ORC3: variants seen among roughly 807,000 people sequenced by gnomAD.
ORC3 encodes the protein origin recognition complex subunit 3.
A neutral mutation model predicts 100.7 loss-of-function variants in ORC3; 78 were observed. The ratio of observed to expected loss-of-function variants is 0.77; its 90% CI spans 0.65 to 0.94. ORC3 has a LOEUF of 0.94. Ranked by LOEUF, ORC3 falls within the 40% of genes least tolerant of loss-of-function variation. The pLI is 0.00. For missense variants in ORC3, 789 were observed against 823.9 expected (o/e 0.96, Z 0.52); for synonymous variants, 295 against 289.3 (o/e 1.02, Z -0.20).
chr6:87,625,732 A>G (rs957103043), intron 11 of ORC3, among the ~76,000 whole-genome samples: 5 of 152,116 alleles, frequency 3.3e-5, no homozygotes, highest in Non-Finnish European at 5.9e-5. Context: ...TTTTGTTGAC[A>G]TTGCTTTTGG....
At chr6:87,660,899 G>A (rs551135363) in intron 16 of ORC3, among the ~76,000 whole-genome samples, 2 of 152,314 alleles carry the variant, frequency 1.3e-5, no homozygotes, top group South Asian at 4.1e-4. Flanking sequence ...AAATTCTAAT[G>A]TATAATGTAT....
chr6:87,664,069 A>G (rs7771252), intron 17 of ORC3, among the ~76,000 whole-genome samples: 4,390 of 152,240 alleles, frequency 0.029, 214 homozygotes, highest in African/African-American at 0.1. Context: ...TAAACCATAA[A>G]TTAAAACTTA....
chr6:87,626,063 G>C (rs569936168), intron 11 of ORC3, among the ~76,000 whole-genome samples: 1 of 152,316 alleles, frequency 6.6e-6, no homozygotes, highest in South Asian at 2.1e-4. Context: ...TTTGGTACCA[G>C]TACCATGCTG....
At chr6:87,627,662 A>G (rs1337648983) in intron 11 of ORC3, among the ~76,000 whole-genome samples, 5 of 152,100 alleles carry the variant, frequency 3.3e-5, no homozygotes, top group Non-Finnish European at 7.4e-5. Flanking sequence ...TATACAATCT[A>G]TATGTAATAT....
intron 11 of ORC3, among the ~76,000 whole-genome samples, chr6:87,631,152 G>T (rs1047336533): frequency 6.6e-5 from 10 of 151,004 alleles, no homozygotes; most frequent in African/African-American, 9.8e-5. Context: ...GCCTCCCAAA[G>T]TGCTGGGATT....
chr6:87,591,944 G>A (rs1331603933), intron 1 of ORC3, among the ~76,000 whole-genome samples: 3 of 152,112 alleles, frequency 2.0e-5, no homozygotes, highest in South Asian at 2.1e-4. Context: ...TTGGCCAGGC[G>A]GGTCTCGAAC....
downstream of ORC3, among the ~76,000 whole-genome samples, chr6:87,671,585 G>A (rs74577827): frequency 1.0e-3 from 155 of 152,086 alleles, 1 homozygote; most frequent in East Asian, 0.023. Context: ...GGTCAAGCTC[G>A]GGGGCACACC....
rs188078407 is a variant in ORC3 at position 87,645,318 on chromosome 6, G to A, written c.1383-7798G>A. Among the ~76,000 whole-genome samples the A allele has an allele frequency of 1.7e-3, 263 of 152,236 alleles. 3 individuals carry two copies. The highest frequency in any genetic ancestry group is 5.6e-3 in the African/African-American group (234 of 41,534). ...TGGACAGTTAACCTCCATTTGTGGG[G>A]TTGGCAGCTTCTCTAGGAAGGGGCA... On this transcript the variant is annotated intron_variant, in intron 13 of 19. Transcript: ENST00000392844.
At chr6:87,629,229 A>T (rs1281843370) in intron 11 of ORC3, among the ~76,000 whole-genome samples, 1 of 152,200 alleles carries the variant, frequency 6.6e-6, no homozygotes, top group Non-Finnish European at 1.5e-5. Context: ...TAGACAGCTG[A>T]TATCTCTTAA....
In ORC3 at chr6:87,656,935, T is replaced by A; in HGVS notation, c.1546T>A (p.Ser516Thr). The A allele has an allele frequency of 6.2e-7, 1 of 1,613,290 alleles. No individual in the cohort carries two copies. Among genetic ancestry groups the A allele is most frequent in the Non-Finnish European group, 8.5e-7 (1 of 1,179,416 alleles). ...CAAAGAGGAAGAAGATGCTTCTGGGTCACAGCCAAAGGGGCTTCAGAAGAC... is the reference window on the plus strand; with the variant it reads ...CAAAGAGGAAGAAGATGCTTCTGGGACACAGCCAAAGGGGCTTCAGAAGAC... ...ETKEEEDASGSQPKGLQKTDL... is the reference protein window; with the variant it reads ...ETKEEEDASGTQPKGLQKTDL... Residue 516 changes from serine to threonine, a missense_variant, in exon 15 of 20, where the codon TCA becomes ACA. By Grantham distance (58) the Ser-to-Thr change is moderately conservative. Transcript: ENST00000392844.
At chr6:87,617,811 A>G (rs1779265702) in intron 9 of ORC3, among the ~76,000 whole-genome samples, 1 of 152,224 alleles carries the variant, frequency 6.6e-6, no homozygotes, top group Admixed American at 6.5e-5. Flanking sequence ...ATTCAATTTG[A>G]TAATACTTCA....
chr6:87,615,861 T>A (rs879894032), intron 8 of ORC3, among the ~76,000 whole-genome samples: 20 of 152,202 alleles, frequency 1.3e-4, no homozygotes, highest in Non-Finnish European at 2.6e-4. Context: ...TCTATACTTT[T>A]GAAATAGACA....
intron 8 of ORC3, among the ~76,000 whole-genome samples, chr6:87,613,133 A>C (rs1412458830): frequency 2.0e-5 from 3 of 152,242 alleles, no homozygotes; most frequent in African/African-American, 7.2e-5. Flanking sequence ...TGGGCAATTT[A>C]CAAAAGAAAG....
the ORC3 span, among the ~76,000 whole-genome samples, chr6:87,676,195 T>C: frequency 2.6e-5 from 4 of 152,056 alleles, no homozygotes; most frequent in East Asian, 3.9e-4. Flanking sequence ...CCGGGTGCGG[T>C]GGCTCACGCC....
chr6:87,630,760 T>G (rs1163503028), intron 11 of ORC3, among the ~76,000 whole-genome samples: 1 of 152,154 alleles, frequency 6.6e-6, no homozygotes, highest in East Asian at 1.9e-4. Context: ...GTCACAGAGC[T>G]TGCCACTCAA....
chr6:87,675,258 T>C, the ORC3 span: 1 of 315,630 alleles, frequency 3.2e-6, no homozygotes, highest in Non-Finnish European at 5.9e-6. Context: ...ATCTGAAGTG[T>C]CATTCTACAG....
Position 87,667,206 on chromosome 6 carries a change from C to G in ORC3, c.*83C>G, listed in dbSNP as rs2307380. ...GTCATATTTACATATATTAGAGGAGCCTGTTTTGTTGAGAAGATAAATGTG... is the reference window on the plus strand; with the variant it reads ...GTCATATTTACATATATTAGAGGAGGCTGTTTTGTTGAGAAGATAAATGTG... On this transcript the variant is annotated 3_prime_UTR_variant, in exon 20 of 20. Coordinates refer to ENST00000392844, the MANE Select transcript of ORC3 (RefSeq NM_012381.4). 9.8e-3 allele frequency: 7,659 copies of G among 780,600 alleles called. 415 individuals are homozygous for G. The African/African-American group carries it at 0.12, about 12-fold the overall frequency. 48.4% of individuals were successfully genotyped at this position (780,600 alleles called of 1,614,324 possible). A position where few individuals can be genotyped will look rare whatever the true frequency, so the allele number is the denominator to read the frequency against.
At position 87,656,944 on chromosome 6, in the gene ORC3, A is replaced by C. The variant is rs1289008126; in HGVS notation, c.1555A>C (p.Lys519Gln). 6.2e-7 allele frequency: 1 copy of C among 1,613,312 alleles called. No individual in the cohort carries two copies. Among genetic ancestry groups the C allele is most frequent in the Non-Finnish European group, 8.5e-7 (1 of 1,179,468 alleles). Residue 519 changes from lysine to glutamine, a missense_variant, in exon 15 of 20, where the codon AAG becomes CAG. Coordinates refer to ENST00000392844, the MANE Select transcript of ORC3 (RefSeq NM_012381.4). Reference sequence around the variant, plus strand: ...AGAAGATGCTTCTGGGTCACAGCCAAAGGGGCTTCAGAAGACAGACCTCTA... The same window carrying C: ...AGAAGATGCTTCTGGGTCACAGCCACAGGGGCTTCAGAAGACAGACCTCTA... The part of the protein sequence containing the change: ...EEEDASGSQP[K>Q]GLQKTDLYHL...
chr6:87,677,777 CA>C, the ORC3 span: 12 of 1,592,488 alleles, frequency 7.5e-6, no homozygotes, highest in South Asian at 1.2e-4. Flanking sequence ...GCATTTCACA[CA>C]ACTGAGTTCC....
Sources: gnomAD v4.1 joint callset for allele counts (sites outside exome capture counted in the v4.1 genomes callset) on GRCh38, gnomAD v4.1.1 for gene constraint, MANE v1.5 for transcripts, NCBI Gene and HGNC (gene_info 2026-07-23, HGNC 2026-07-21) for gene names.